The following C2orf49 variants were observed in gnomAD, a reference collection of about 807,000 sequenced individuals.
The protein encoded by C2orf49 is tRNA-splicing ligase complex subunit ASW.
Under a neutral mutation model 20.6 loss-of-function variants are expected in C2orf49, and 11 were observed. That is an observed-to-expected ratio of 0.53 (90% CI 0.34 to 0.88). C2orf49 has a LOEUF of 0.88. Among genes scored for constraint, C2orf49 ranks in the 40% least tolerant of loss-of-function variants. The probability of loss-of-function intolerance (pLI) is 0.02; values close to 1 mark genes in which losing one functional copy is unlikely to be tolerated. For synonymous variants in C2orf49, 134 were observed against 108.5 expected (o/e 1.24, Z -1.46); for missense variants, 289 against 274.2 (o/e 1.05, Z -0.38).
At chr2:105,338,554 G>T (rs1487238750) in intron 1 of C2orf49, among the ~76,000 whole-genome samples, 11 of 152,272 alleles carry the variant, frequency 7.2e-5, no homozygotes, top group East Asian at 3.9e-4. Context: ...TAACGAGCTT[G>T]TTGCTGGCCC....
the C2orf49 span, chr2:105,377,716 A>G: frequency 9.1e-6 from 2 of 220,476 alleles, no homozygotes; most frequent in Admixed American, 5.3e-5. Context: ...CCCCCTGTGC[A>G]GGCGAGCCAC....
the C2orf49 span, chr2:105,378,073 C>T: frequency 1.1e-5 from 5 of 471,068 alleles, no homozygotes; most frequent in African/African-American, 1.0e-4. Context: ...AGCCAGTGCT[C>T]CGGTCATTAA....
At chr2:105,371,520 A>G in the C2orf49 span, among the ~76,000 whole-genome samples, 1 of 149,914 alleles carries the variant, frequency 6.7e-6, no homozygotes, top group Non-Finnish European at 1.5e-5. Flanking sequence ...TACCGCCTCC[A>G]CAATCTCATG....
intron 3 of C2orf49, among the ~76,000 whole-genome samples, chr2:105,344,742 G>T (rs1350320938): frequency 2.0e-5 from 3 of 149,692 alleles, no homozygotes; most frequent in Non-Finnish European, 2.9e-5. Context: ...ACCACACCCA[G>T]CTAATTTTTT....
At chr2:105,376,724 G>T in the C2orf49 span, 1 of 152,240 alleles carries the variant, frequency 6.6e-6, no homozygotes, top group Non-Finnish European at 1.5e-5. Flanking sequence ...CACGTTCATT[G>T]AAGAATTATT....
chr2:105,373,379 T>C, the C2orf49 span, among the ~76,000 whole-genome samples: 2 of 152,208 alleles, frequency 1.3e-5, no homozygotes, highest in Non-Finnish European at 2.9e-5. Context: ...TTACTGCCCA[T>C]GATAGAACCT....
chr2:105,368,144 T>C, the C2orf49 span, among the ~76,000 whole-genome samples: 3 of 152,130 alleles, frequency 2.0e-5, no homozygotes, highest in African/African-American at 7.2e-5. Context: ...GCACACCTGA[T>C]AATGAACACC....
the C2orf49 span, chr2:105,363,359 T>A: frequency 6.2e-7 from 1 of 1,614,150 alleles, no homozygotes; most frequent in Admixed American, 1.7e-5. Flanking sequence ...GTAGGCAAAG[T>A]CATCGCGAGC....
chr2:105,343,498 A>G (rs1330717008), intron 3 of C2orf49, among the ~76,000 whole-genome samples: 1 of 152,186 alleles, frequency 6.6e-6, no homozygotes, highest in African/African-American at 2.4e-5. Flanking sequence ...GATTTTTCTC[A>G]TTTAGTTCCT....
rs764080835 is a variant in C2orf49, at chr2:105,346,270, T to TA, written c.*904dup. 1 of 152,132 alleles carries TA rather than the reference T, an allele frequency of 6.6e-6. No individual in the cohort carries two copies. Among genetic ancestry groups the TA allele is most frequent in the Non-Finnish European group, 1.5e-5 (1 of 68,002 alleles). The allele number at this position is 152,132 out of a possible 1,614,324, so 9.4% of individuals were successfully genotyped here. On this transcript the variant is annotated 3_prime_UTR_variant, in exon 4 of 4. Transcript: ENST00000258457. ...TAATTGCTTACATTGCTTCTTCCCA[T>TA]AAAAAGCAAAAAGGAATCAGTGCTT...
chr2:105,384,530 CAG>C, the C2orf49 span, among the ~76,000 whole-genome samples: 1 of 152,036 alleles, frequency 6.6e-6, no homozygotes, highest in Non-Finnish European at 1.5e-5. Flanking sequence ...TTTTTTGAGA[CAG>C]AGTCTTACTC....
At chr2:105,339,495 C>A in intron 1 of C2orf49, 88 bp from the exon 2 acceptor site, 3 of 1,226,360 alleles carry the variant, frequency 2.4e-6, no homozygotes, top group Admixed American at 2.6e-5. Context: ...GTTATTTAAG[C>A]AGTAATGTTT....
At chr2:105,370,216 A>C in the C2orf49 span, among the ~76,000 whole-genome samples, 23,178 of 149,346 alleles carry the variant, frequency 0.16, 2,180 homozygotes, top group East Asian at 0.31. Flanking sequence ...CTACCCCCCC[A>C]AAAAAAAAAT....
At chr2:105,339,026 T>G (rs529470799) in intron 1 of C2orf49, among the ~76,000 whole-genome samples, 4 of 152,266 alleles carry the variant, frequency 2.6e-5, no homozygotes, top group Non-Finnish European at 4.4e-5. Context: ...CAGGCTTTTC[T>G]AATGATGTAC....
the C2orf49 span, chr2:105,373,423 C>A: frequency 3.1e-5 from 26 of 844,504 alleles, no homozygotes; most frequent in East Asian, 6.8e-4. Flanking sequence ...TCTAAATACT[C>A]CTCTGCAGTT....
chr2:105,339,041 A>G (rs1399642964), intron 1 of C2orf49, among the ~76,000 whole-genome samples: 2 of 152,366 alleles, frequency 1.3e-5, no homozygotes, highest in East Asian at 1.9e-4. Context: ...ATGTACTGCT[A>G]CTGTCGTCAG....
the C2orf49 span, among the ~76,000 whole-genome samples, chr2:105,370,306 T>C: frequency 1.3e-5 from 2 of 150,120 alleles, no homozygotes; most frequent in African/African-American, 4.9e-5. Context: ...GCCCGAGAGG[T>C]CAAGGCTGCA....
In C2orf49 at chr2:105,343,783, A is replaced by G. The variant is rs80079264; in HGVS notation, c.642+560A>G. On this transcript the variant is annotated intron_variant, in intron 3 of 3. Transcript: ENST00000258457. ...TGCTCCACTATGTTGAATCATTTGGATGCTTGTTGGCACATTTAGTGCAGT... is the reference window on the plus strand; with the variant it reads ...TGCTCCACTATGTTGAATCATTTGGGTGCTTGTTGGCACATTTAGTGCAGT... Among the ~76,000 whole-genome samples, 1,231 of 152,214 alleles carry G rather than the reference A, an allele frequency of 8.1e-3. 18 individuals carry two copies. The highest frequency in any genetic ancestry group is 0.029 in the African/African-American group (1,184 of 41,530).
chr2:105,339,625 A>G lies in C2orf49; in HGVS notation c.142A>G (p.Ser48Gly). ...VETDVRVNKDSLTDLYVQHAI... is the reference protein window; with the variant it reads ...VETDVRVNKDGLTDLYVQHAI... ...AACTGATGTAAGAGTAAACAAAGACAGTCTTACTGACCTTTATGTCCAACA... is the reference window on the plus strand; with the variant it reads ...AACTGATGTAAGAGTAAACAAAGACGGTCTTACTGACCTTTATGTCCAACA... Residue 48 changes from serine to glycine, a missense_variant, in exon 2 of 4, where the codon AGT becomes GGT. Ser to Gly is a moderately conservative substitution (Grantham distance 56). Transcript: ENST00000258457. 1 of 1,604,526 alleles carries G rather than the reference A, an allele frequency of 6.2e-7. No homozygotes were observed. The highest frequency in any genetic ancestry group is 8.5e-7 in the Non-Finnish European group (1 of 1,178,066).
Sources: allele counts gnomAD v4.1 joint callset (sites outside exome capture counted in the v4.1 genomes callset), GRCh38; gene constraint gnomAD v4.1.1; transcripts MANE v1.5; gene names NCBI Gene and HGNC (gene_info 2026-07-23, HGNC 2026-07-21).